Variants in NRG3 observed in about 807,000 individuals in gnomAD.
NRG3 encodes the protein neuregulin 3.
NRG3 carries 31 observed loss-of-function variants against 66.9 expected under a neutral mutation model. The observed-to-expected ratio is 0.46, with a 90% CI of 0.35 to 0.63. The LOEUF (loss-of-function observed/expected upper bound fraction) is 0.63. NRG3 is among the 20% of genes least tolerant of loss of function. The pLI, the probability that NRG3 is intolerant of heterozygous loss-of-function variation, is 0.00. For missense variants in NRG3, 910 were observed against 878.9 expected (o/e 1.04, Z -0.45); for synonymous variants, 393 against 359.4 (o/e 1.09, Z -1.06).
At chr10:82,289,661 A>G (rs145900837) in intron 1 of NRG3, among the ~76,000 whole-genome samples, 68 of 152,296 alleles carry the variant, frequency 4.5e-4, no homozygotes, top group African/African-American at 1.6e-3. Flanking sequence ...GAAGTTTTGT[A>G]TAATATATAC....
intron 1 of NRG3, among the ~76,000 whole-genome samples, chr10:82,293,435 T>C (rs10509453): frequency 0.48 from 72,445 of 152,050 alleles, 20,853 homozygotes; most frequent in African/African-American, 0.81. Context: ...TGAGCCATCA[T>C]GAAATTGTGT....
At chr10:82,166,754 C>T (rs1221741592) in intron 1 of NRG3, 1 of 668,916 alleles carries the variant, frequency 1.5e-6, no homozygotes, top group South Asian at 1.6e-5. Context: ...GTATTATTTT[C>T]CTTCTGCCTG....
chr10:82,314,218 T>C (rs1489957900), intron 1 of NRG3, among the ~76,000 whole-genome samples: 1 of 152,228 alleles, frequency 6.6e-6, no homozygotes, highest in Non-Finnish European at 1.5e-5. Flanking sequence ...TCTCATTAGC[T>C]TGACAACAGA....
At chr10:82,220,209 T>A (rs915448234) in intron 1 of NRG3, among the ~76,000 whole-genome samples, 2 of 151,836 alleles carry the variant, frequency 1.3e-5, no homozygotes, top group Non-Finnish European at 1.5e-5. Flanking sequence ...TGTGTGTGTG[T>A]GTTTATCTGC....
chr10:82,701,662 T>A (rs1013369761), intron 2 of NRG3, among the ~76,000 whole-genome samples: 5 of 152,208 alleles, frequency 3.3e-5, no homozygotes, highest in African/African-American at 1.2e-4. Context: ...GATAGTCAAT[T>A]TCTTGGTAGT....
chr10:82,242,779 A>C (rs571200027), intron 1 of NRG3, among the ~76,000 whole-genome samples: 36 of 152,294 alleles, frequency 2.4e-4, no homozygotes, highest in African/African-American at 7.9e-4. Flanking sequence ...GTTTCTGTAC[A>C]TCTCAGGCAG....
chr10:82,290,791 G>C (rs961574712), intron 1 of NRG3, among the ~76,000 whole-genome samples: 1 of 141,542 alleles, frequency 7.1e-6, no homozygotes, highest in Non-Finnish European at 1.5e-5. Context: ...CCACCACCAC[G>C]CCTGGCTAAT....
At chr10:82,590,650 G>T (rs1590791551) in intron 2 of NRG3, among the ~76,000 whole-genome samples, 2 of 152,172 alleles carry the variant, frequency 1.3e-5, no homozygotes, top group African/African-American at 4.8e-5. Flanking sequence ...TTAACAAGGG[G>T]TTGTGGTGCA....
chr10:82,385,435 T>C (rs2135902783), intron 2 of NRG3, among the ~76,000 whole-genome samples: 1 of 152,316 alleles, frequency 6.6e-6, no homozygotes, highest in Non-Finnish European at 1.5e-5. Context: ...TAAAAAATAC[T>C]TCTTGAGCAA....
intron 3 of NRG3, among the ~76,000 whole-genome samples, chr10:82,857,875 T>C (rs2063896490): frequency 6.6e-6 from 1 of 152,132 alleles, no homozygotes. Context: ...CATCCTAAAT[T>C]TTGCACTAAG....
At chr10:81,954,407 G>A (rs372773219) in intron 1 of NRG3, among the ~76,000 whole-genome samples, 1 of 152,114 alleles carries the variant, frequency 6.6e-6, no homozygotes, top group African/African-American at 2.4e-5. Flanking sequence ...GCATGCAATG[G>A]ATGCTTCTAA....
intron 4 of NRG3, among the ~76,000 whole-genome samples, chr10:82,884,778 G>T (rs1296404527): frequency 6.6e-6 from 1 of 152,138 alleles, no homozygotes; most frequent in Non-Finnish European, 1.5e-5. Context: ...ATGATGTTTG[G>T]TAACCAAAGA....
chr10:82,105,677 C>T (rs2067015670), intron 1 of NRG3, among the ~76,000 whole-genome samples: 1 of 152,106 alleles, frequency 6.6e-6, no homozygotes, highest in Non-Finnish European at 1.5e-5. Context: ...ACTATCTGTC[C>T]ATTTTTCTTC....
chr10:82,080,768 G>A (rs931722169), intron 1 of NRG3, among the ~76,000 whole-genome samples: 8 of 152,034 alleles, frequency 5.3e-5, no homozygotes, highest in Admixed American at 3.9e-4. Flanking sequence ...CCATTCAAAA[G>A]TATGGTTTAA....
chr10:82,013,474 A>C (rs2061660982), intron 1 of NRG3, among the ~76,000 whole-genome samples: 1 of 152,196 alleles, frequency 6.6e-6, no homozygotes, highest in Non-Finnish European at 1.5e-5. Context: ...TAATATATAC[A>C]AAGAGAAAAT....
intron 1 of NRG3, among the ~76,000 whole-genome samples, chr10:82,000,617 A>G (rs567956362): frequency 9.2e-5 from 14 of 152,312 alleles, no homozygotes; most frequent in African/African-American, 3.4e-4. Flanking sequence ...ATGTAAGGCC[A>G]CTGCCTGTAT....
chr10:81,884,376 T>G (rs1842430912), intron 1 of NRG3, among the ~76,000 whole-genome samples: 1 of 152,142 alleles, frequency 6.6e-6, no homozygotes, highest in Non-Finnish European at 1.5e-5. Flanking sequence ...AATTCAGATG[T>G]TTCGGTAAAA....
chr10:82,167,798 CAAATA>C (rs2072212283), intron 1 of NRG3, among the ~76,000 whole-genome samples: 1 of 151,826 alleles, frequency 6.6e-6, no homozygotes, highest in Non-Finnish European at 1.5e-5. Flanking sequence ...TTAAAAACTC[CAAATA>C]CATAAAGATT....
At chr10:82,129,102 G>A (rs1051728270) in intron 1 of NRG3, among the ~76,000 whole-genome samples, 1 of 151,892 alleles carries the variant, frequency 6.6e-6, no homozygotes, top group Non-Finnish European at 1.5e-5. Context: ...TAGGAGAGAC[G>A]GGGTTTCACC....
Sources: allele counts gnomAD v4.1 joint callset (sites outside exome capture counted in the v4.1 genomes callset), GRCh38; gene constraint gnomAD v4.1.1; transcripts MANE v1.5; gene names NCBI Gene and HGNC (gene_info 2026-07-23, HGNC 2026-07-21).